ROBO4: variants seen among roughly 807,000 people sequenced by gnomAD.
ROBO4 encodes roundabout guidance receptor 4.
A neutral mutation model predicts 103.3 loss-of-function variants in ROBO4; 80 were observed. That is an observed-to-expected ratio of 0.77 (90% CI 0.65 to 0.93). ROBO4 has a LOEUF of 0.93. ROBO4 is among the 40% of genes least tolerant of loss of function. ROBO4 has a pLI of 0.00. For missense variants in ROBO4, 1,333 were observed against 1,305.3 expected, an observed-to-expected ratio of 1.02 and a Z score of -0.33; for synonymous variants, 504 against 529.7, an observed-to-expected ratio of 0.95 and a Z score of 0.67.
At position 124,885,047 on chromosome 11, in the gene ROBO4, C is replaced by T. The variant is rs548878110; in HGVS notation, c.2995G>A (p.Ala999Thr). The change falls in exon 17 of 18, where the codon GCT (alanine) becomes ACT (threonine). Residue 999 changes from alanine (A) to threonine (T), a missense_variant. Physicochemically the swap from Ala to Thr is moderately conservative, Grantham distance 58. Transcript: ENST00000306534. ...CAGGAAGACAGACACTCACCACCAG[C>T]CTTGGGCATACGACAGTGGAGCTGA... ...RSQLHCRMPK[A>T]GASPVDYS 8 of 1,614,162 alleles carry T rather than the reference C, an allele frequency of 5.0e-6. No homozygotes were observed. The East Asian group carries it at 1.8e-4, about 36-fold the overall frequency.
At position 124,891,367 on chromosome 11, in the gene ROBO4, C is replaced by T. The variant is rs774678606; in HGVS notation, c.1880G>A (p.Arg627His). ...PCSSSDSLCSRRGLSSPRLSL... is the reference protein window; with the variant it reads ...PCSSSDSLCSHRGLSSPRLSL... ...CAAGCGGGGAGAAGAGAGTCCCCTG[C>T]GGCTGCAGAGGCTGTCTGAGCTGGA... The change falls in exon 12 of 18, where the codon CGC becomes CAC. Residue 627 changes from arginine to histidine, a missense_variant. Coordinates refer to ENST00000306534, the MANE Select transcript of ROBO4 (RefSeq NM_019055.6). 1.2e-5 allele frequency: 18 copies of T among 1,550,450 alleles called. No individual in the cohort carries two copies. Among genetic ancestry groups the T allele is most frequent in the African/African-American group, 6.8e-5 (5 of 73,000 alleles).
chr11:124,885,653 A>G (rs1946700526), intron 16 of ROBO4, among the ~76,000 whole-genome samples: 1 of 150,976 alleles, frequency 6.6e-6, no homozygotes, highest in African/African-American at 2.4e-5. Flanking sequence ...CTGATGGTGC[A>G]TGTGGGGAAG....
At position 124,895,605 on chromosome 11, in the gene ROBO4, C is replaced by T. The variant is rs777462701; in HGVS notation, c.888G>A (p.Pro296=). ...AGCCGGCCAGCAGCTCCTCTGCCCACGGAGCTCCCTGGCCTCCCGGGGCAG... is the reference window on the plus strand; with the variant it reads ...AGCCGGCCAGCAGCTCCTCTGCCCATGGAGCTCCCTGGCCTCCCGGGGCAG... The part of the protein sequence containing the change: ...TQTAPGGQGA[P]WAEELLAGWQ... Residue 296 remains proline (P), a synonymous_variant, in exon 6 of 18, where the codon CCG becomes CCA. Transcript: ENST00000306534. 18 of 1,613,566 alleles carry T rather than the reference C, an allele frequency of 1.1e-5. No homozygotes were observed. Among genetic ancestry groups the T allele is most frequent in the African/African-American group, 9.3e-5 (7 of 74,922 alleles).
At position 124,884,814 on chromosome 11, in the gene ROBO4, C is replaced by T. The variant is rs1046564096; in HGVS notation, c.*77G>A. 8.4e-6 allele frequency: 13 copies of T among 1,543,358 alleles called. No homozygotes were observed. In the African/African-American group the frequency reaches 1.8e-4, roughly 21 times the overall value. On this transcript the variant is annotated 3_prime_UTR_variant, in exon 18 of 18. Transcript: ENST00000306534. ...GCAGAGAAACACAGGCCAAGACCCACACACCACAGCCCAGGTCTTGTGGGT... is the reference window on the plus strand; with the variant it reads ...GCAGAGAAACACAGGCCAAGACCCATACACCACAGCCCAGGTCTTGTGGGT...
chr11:124,889,987 T>C (rs1004681510), intron 12 of ROBO4, among the ~76,000 whole-genome samples: 1 of 152,174 alleles, frequency 6.6e-6, no homozygotes, highest in Non-Finnish European at 1.5e-5. Context: ...AACCACAGGC[T>C]AGGAAGCCTC....
chr11:124,894,468 C>G, intron 7 of ROBO4, 99 bp from the exon 8 acceptor site: 1 of 1,227,010 alleles, frequency 8.1e-7, no homozygotes, highest in Non-Finnish European at 1.1e-6. Context: ...TTATTCTGCC[C>G]TGCCATCCAC....
In ROBO4 at chr11:124,883,703, GT is replaced by G. The variant is rs1204447152; in HGVS notation, c.*1187del. 1.3e-5 allele frequency: 2 copies of G among 149,950 alleles called. No homozygotes were observed. Among genetic ancestry groups the G allele is most frequent in the African/African-American group, 2.5e-5 (1 of 40,690 alleles). 9.3% of individuals were successfully genotyped at this position (149,950 alleles called of 1,614,324 possible). A position where few individuals can be genotyped will look rare whatever the true frequency, so the allele number is the denominator to read the frequency against. On this transcript the variant is annotated 3_prime_UTR_variant, in exon 18 of 18. Transcript: ENST00000306534. ...TTTTTTTTTTTTTAGTAGAGACGGGGTTTCACCATGTTAGCCAGGATGGTCT... is the reference window on the plus strand; with the variant it reads ...TTTTTTTTTTTTTAGTAGAGACGGGGTTCACCATGTTAGCCAGGATGGTCT...
intron 6 of ROBO4, 80 bp from the exon 7 acceptor site, chr11:124,895,273 G>A (rs369729242): frequency 2.3e-5 from 29 of 1,239,524 alleles, no homozygotes; most frequent in Non-Finnish European, 3.2e-5. Context: ...GGGACACAGC[G>A]TCAGAACCCT....
chr11:124,885,481 C>T (rs1183505010), intron 16 of ROBO4, among the ~76,000 whole-genome samples: 1 of 152,174 alleles, frequency 6.6e-6, no homozygotes, highest in East Asian at 1.9e-4. Context: ...CTTCTATCTG[C>T]ACTGTCCCTT....
intron 17 of ROBO4, 42 bp downstream of exon 17, chr11:124,884,999 C>T (rs1195658949): frequency 6.2e-7 from 1 of 1,613,818 alleles, no homozygotes; most frequent in Non-Finnish European, 8.5e-7. Context: ...CAGAGGCCCT[C>T]TGGTCAAGAT....
rs150534997 is a variant in ROBO4 at position 124,887,383 on chromosome 11, G to A, written c.2173C>T (p.Pro725Ser). The A allele has an allele frequency of 1.2e-6, 2 of 1,614,030 alleles. No individual in the cohort carries two copies. The highest frequency in any genetic ancestry group is 1.7e-6 in the Non-Finnish European group (2 of 1,179,938). ...TGGGTCTGTTGACTCTGAGTTGGGG[G>A]AGTTTCATGAGGAAAGAGGGGTGCT... ...PPAPLFPHET[P>S]PTQSQQTQPP... is the part of the protein sequence containing the mutation. The change falls in exon 14 of 18, where the codon CCC becomes TCC. Residue 725 changes from proline (P) to serine (S), a missense_variant. Coordinates refer to ENST00000306534, the MANE Select transcript of ROBO4 (RefSeq NM_019055.6).
In ROBO4 at chr11:124,895,127, A is replaced by C; in HGVS notation, c.1103T>G (p.Val368Gly). 6.2e-7 allele frequency: 1 copy of C among 1,614,024 alleles called. No homozygotes were observed. Among genetic ancestry groups the C allele is most frequent in the Non-Finnish European group, 8.5e-7 (1 of 1,180,002 alleles). ...ATTGTGGTTTTCAGCAGGTGGTGGG[A>C]CCCAGCTCACAAAGACAGTGCCATT... ...PGNGTVFVSW[V>G]PPPAENHNGI... is the part of the protein sequence containing the mutation. Residue 368 changes from valine (V) to glycine (G), a missense_variant, in exon 7 of 18, where the codon GTC (valine) becomes GGC (glycine). Val to Gly is a moderately radical substitution (Grantham distance 109, BLOSUM62 -3). Coordinates refer to ENST00000306534, the MANE Select transcript of ROBO4 (RefSeq NM_019055.6).
intron 11 of ROBO4, 37 bp from the exon 12 acceptor site, chr11:124,891,599 T>C (rs961793554): frequency 1.2e-6 from 2 of 1,614,200 alleles, no homozygotes. Context: ...ATGGTGAGCA[T>C]GTCCTGCTTT....
intron 7 of ROBO4, 47 bp from the exon 8 acceptor site, chr11:124,894,416 A>G: frequency 6.4e-7 from 1 of 1,573,196 alleles, no homozygotes; most frequent in Non-Finnish European, 8.6e-7. Flanking sequence ...ACCATCCCAG[A>G]AGCCAAGCCC....
Position 124,895,208 on chromosome 11 carries a change from G to T in ROBO4, c.1037-15C>A, listed in dbSNP as rs745466043. 5.7e-6 allele frequency: 9 copies of T among 1,584,454 alleles called. No individual in the cohort carries two copies. Among genetic ancestry groups the T allele is most frequent in the Admixed American group, 1.7e-5 (1 of 59,852 alleles). On this transcript the variant is annotated splice_polypyrimidine_tract_variant and intron_variant, in intron 6 of 17. Coordinates refer to ENST00000306534, the MANE Select transcript of ROBO4 (RefSeq NM_019055.6). ...GGCACTGGGCACTGGAGGGGTGGAA[G>T]AGAGACTATGAGGGGCTCTGAGGGA... is the stretch of plus-strand genomic sequence containing the variant.
At position 124,896,548 on chromosome 11, in the gene ROBO4, C is replaced by A. The variant is rs759731851; in HGVS notation, c.523G>T (p.Gly175Trp). The A allele has an allele frequency of 5.0e-6, 8 of 1,614,012 alleles. No homozygotes were observed. Among genetic ancestry groups the A allele is most frequent in the African/African-American group, 1.3e-5 (1 of 74,926 alleles). Residue 175 changes from glycine (G) to tryptophan (W), a missense_variant, in exon 3 of 18, where the codon GGG (glycine) becomes TGG (tryptophan). By Grantham distance (184) the Gly-to-Trp change is radical. Coordinates refer to ENST00000306534, the MANE Select transcript of ROBO4 (RefSeq NM_019055.6). ...CCGGGCTGGAGGGCCAGGGGTTTCC[C>A]ATCTTTCCACCATGAGACTGTGGGC... ...PEPTVSWWKD[G>W]KPLALQPGRH...
rs766691280 is a variant in ROBO4, at chr11:124,887,854, G to C, written c.1949-14C>G. The C allele has an allele frequency of 6.2e-7, 1 of 1,607,522 alleles. No individual in the cohort carries two copies. The highest frequency in any genetic ancestry group is 1.1e-5 in the South Asian group (1 of 90,680). On this transcript the variant is annotated splice_polypyrimidine_tract_variant and intron_variant, in intron 12 of 17. Transcript: ENST00000306534. ...CATGCTGCAGCTCTGCAAAGAAAGG[G>C]TTGGTGGTTGTGGGGCCCAGGATGG...
chr11:124,895,725 C>T (rs760347633), intron 5 of ROBO4, 40 bp from the exon 6 acceptor site: 1 of 1,612,590 alleles, frequency 6.2e-7, no homozygotes, highest in South Asian at 1.1e-5. Flanking sequence ...GGTCAGAGAG[C>T]TCAGGAACGC....
Position 124,894,191 on chromosome 11 carries a change from C to T in ROBO4, c.1318+10G>A, listed in dbSNP as rs1946843888. 2 of 1,604,238 alleles carry T rather than the reference C, an allele frequency of 1.2e-6. No homozygotes were observed. The highest frequency in any genetic ancestry group is 1.3e-5 in the African/African-American group (1 of 74,888). The stretch of plus-strand genomic sequence containing the variant: ...GAAGGGTAGGGTGGGTCTGTGGGCA[C>T]TGCCCTCACCTAAAAGGAGGCAGAC... On this transcript the variant is annotated intron_variant, in intron 8 of 17. Transcript: ENST00000306534.
Sources: allele counts gnomAD v4.1 joint callset (sites outside exome capture counted in the v4.1 genomes callset), GRCh38; gene constraint gnomAD v4.1.1; transcripts MANE v1.5; gene names NCBI Gene and HGNC (gene_info 2026-07-23, HGNC 2026-07-21).